Variants in HFM1 observed in about 807,000 individuals in gnomAD.
The protein encoded by HFM1 is helicase for meiosis 1.
Under a neutral mutation model 192.1 loss-of-function variants are expected in HFM1, and 169 were observed. The observed-to-expected ratio is 0.88, with a 90% CI of 0.78 to 1.00. The LOEUF is 1.00. Among genes scored for constraint, HFM1 ranks in the 50% least tolerant of loss-of-function variants. HFM1 has a pLI of 0.00. For synonymous variants in HFM1, 525 were observed against 537.8 expected (o/e 0.98, Z 0.33); for missense variants, 1,661 against 1,668.0 (o/e 1.00, Z 0.07).
chr1:91,261,447 A>G, intron 38 of HFM1, 88 bp from the exon 39 acceptor site: 1 of 543,038 alleles, frequency 1.8e-6, no homozygotes, highest in East Asian at 3.5e-5. Flanking sequence ...ACTAAACACA[A>G]TAAAATAAAC....
At chr1:91,287,243 G>T (rs1293347679) in intron 30 of HFM1, among the ~76,000 whole-genome samples, 3 of 152,230 alleles carry the variant, frequency 2.0e-5, no homozygotes. Flanking sequence ...AGTAACCTCT[G>T]CAGACTTAAA....
intron 30 of HFM1, among the ~76,000 whole-genome samples, chr1:91,290,225 TA>T (rs1345013399): frequency 6.6e-6 from 1 of 152,074 alleles, no homozygotes; most frequent in Non-Finnish European, 1.5e-5. Context: ...GTACATGGAC[TA>T]AATGCTCCAA....
At position 91,268,000 on chromosome 1, in the gene HFM1, T is replaced by A. The variant is rs947816610; in HGVS notation, c.3773-145A>T. 4.6e-5 allele frequency: 27 copies of A among 583,914 alleles called. No homozygotes were observed. In the East Asian group the frequency reaches 8.4e-4, roughly 18 times the overall value. The allele number at this position is 583,914 out of a possible 1,614,324, so 36.2% of individuals were successfully genotyped here. Reference sequence around the variant, plus strand: ...CATCTAGAAAAATCTGTTATGTGTATGTATAAAAGACTATAGGTACTTTTT... The same window carrying A: ...CATCTAGAAAAATCTGTTATGTGTAAGTATAAAAGACTATAGGTACTTTTT... On this transcript the variant is annotated intron_variant, in intron 34 of 38. Coordinates refer to ENST00000370425, the MANE Select transcript of HFM1 (RefSeq NM_001017975.6).
chr1:91,326,889 C>T (rs281970), intron 20 of HFM1, among the ~76,000 whole-genome samples: 152,170 of 152,352 alleles, frequency 1, 75,994 homozygotes, highest in Non-Finnish European at 1. Context: ...TGTAGAGTGT[C>T]TATTAGTTTT....
chr1:91,344,736 A>ATTTCT (rs1655893537), intron 19 of HFM1, among the ~76,000 whole-genome samples: 1 of 130,388 alleles, frequency 7.7e-6, no homozygotes, highest in South Asian at 2.5e-4. Context: ...TTTTATTTTC[A>ATTTCT]TTTCTTTTCT....
At chr1:91,297,650 C>G (rs1254894685) in intron 30 of HFM1, among the ~76,000 whole-genome samples, 1 of 152,254 alleles carries the variant, frequency 6.6e-6, no homozygotes, top group Non-Finnish European at 1.5e-5. Flanking sequence ...TGCTGTTCTG[C>G]AGCCTCCGCT....
chr1:91,388,257 C>G (rs1354159001), intron 4 of HFM1, among the ~76,000 whole-genome samples: 1 of 152,120 alleles, frequency 6.6e-6, no homozygotes, highest in East Asian at 1.9e-4. Flanking sequence ...TGTAGTTGGC[C>G]AGACAGAAAT....
intron 30 of HFM1, among the ~76,000 whole-genome samples, chr1:91,287,321 G>C (rs1173221328): frequency 6.6e-6 from 1 of 152,186 alleles, no homozygotes; most frequent in Non-Finnish European, 1.5e-5. Flanking sequence ...TCTGAGAAGG[G>C]GCAGACTGCC....
chr1:91,336,306 T>C (rs1654569218), intron 20 of HFM1, among the ~76,000 whole-genome samples: 1 of 146,108 alleles, frequency 6.8e-6, no homozygotes, highest in Non-Finnish European at 1.5e-5. Flanking sequence ...CATCCCTTCC[T>C]CCATCCCATC....
chr1:91,319,829 G>C (rs986736346), intron 23 of HFM1, among the ~76,000 whole-genome samples: 2 of 152,216 alleles, frequency 1.3e-5, no homozygotes, highest in East Asian at 3.9e-4. Flanking sequence ...AATACAATTT[G>C]TTTAATCAAC....
chr1:91,337,633 C>T (rs1654777230), intron 20 of HFM1, among the ~76,000 whole-genome samples: 1 of 152,108 alleles, frequency 6.6e-6, no homozygotes, highest in South Asian at 2.1e-4. Flanking sequence ...TTCCGGGAGG[C>T]CTCAGGTAAC....
chr1:91,372,324 A>G (rs985387627), intron 13 of HFM1, among the ~76,000 whole-genome samples: 1 of 152,192 alleles, frequency 6.6e-6, no homozygotes, highest in Non-Finnish European at 1.5e-5. Flanking sequence ...AATAGCAAAG[A>G]CTTGGAACCA....
chr1:91,306,000 G>A (rs1372125681), intron 30 of HFM1, among the ~76,000 whole-genome samples: 1 of 152,104 alleles, frequency 6.6e-6, no homozygotes, highest in Non-Finnish European at 1.5e-5. Context: ...TTACTATCGA[G>A]TATGACATTT....
intron 1 of HFM1, chr1:91,404,433 G>A (rs111846222): frequency 0.1 from 16,448 of 160,494 alleles, 898 homozygotes; most frequent in East Asian, 0.16. Flanking sequence ...CCCCCCCAGC[G>A]CTCGCTCAGG....
intron 1 of HFM1, among the ~76,000 whole-genome samples, chr1:91,403,660 T>C (rs1438113617): frequency 6.6e-6 from 1 of 152,152 alleles, no homozygotes; most frequent in Non-Finnish European, 1.5e-5. Context: ...CCAAACACAA[T>C]AAACAATATC....
chr1:91,340,169 C>T (rs1655134109), intron 20 of HFM1, among the ~76,000 whole-genome samples: 1 of 152,054 alleles, frequency 6.6e-6, no homozygotes, highest in Non-Finnish European at 1.5e-5. Context: ...TCATGCTCAG[C>T]TAATTTTTAG....
At chr1:91,391,459 C>G (rs1662981405) in intron 4 of HFM1, among the ~76,000 whole-genome samples, 1 of 152,192 alleles carries the variant, frequency 6.6e-6, no homozygotes, top group Non-Finnish European at 1.5e-5. Flanking sequence ...ACATCTACAA[C>G]CATCTGATCT....
chr1:91,385,300 C>A, intron 5 of HFM1, 66 bp from the exon 6 acceptor site: 1 of 961,706 alleles, frequency 1.0e-6, no homozygotes, highest in Non-Finnish European at 1.6e-6. Flanking sequence ...AAGCTAGGAC[C>A]TGAAATGAAT....
intron 2 of HFM1, among the ~76,000 whole-genome samples, chr1:91,400,480 CT>C (rs112090967): frequency 0.64 from 89,370 of 139,020 alleles, 27,568 homozygotes; most frequent in East Asian, 0.76. Context: ...AGGCAAGAAT[CT>C]TTTTTTTTTT....
Sources: gnomAD v4.1 joint callset for allele counts (sites outside exome capture counted in the v4.1 genomes callset) on GRCh38, gnomAD v4.1.1 for gene constraint, MANE v1.5 for transcripts, NCBI Gene and HGNC (gene_info 2026-07-23, HGNC 2026-07-21) for gene names.